Variants in PCSK9 observed in about 807,000 individuals in gnomAD.
PCSK9 encodes convertase subtilisin/kexin type 9 preproprotein.
PCSK9 carries 57 observed loss-of-function variants against 62.1 expected under a neutral mutation model. The observed-to-expected ratio is 0.92, with a 90% CI of 0.74 to 1.14. The LOEUF (loss-of-function observed/expected upper bound fraction) is 1.14, where lower values mean the gene tolerates loss of function less well. Ranked by LOEUF, PCSK9 falls within the 50% of genes most tolerant of loss-of-function variation. The probability of loss-of-function intolerance (pLI) is 0.00; values close to 1 mark genes in which losing one functional copy is unlikely to be tolerated. For synonymous variants in PCSK9, 387 were observed against 409.4 expected, an observed-to-expected ratio of 0.95 and a Z score of 0.66; for missense variants, 870 against 959.8, an observed-to-expected ratio of 0.91 and a Z score of 1.24.
chr1:55,061,288 C>A, intron 10 of PCSK9, 87 bp from the exon 11 acceptor site: 1 of 1,432,762 alleles, frequency 7.0e-7, no homozygotes, highest in Admixed American at 2.2e-5. Flanking sequence ...TGCCTCAGAC[C>A]TTAAAGAGAG....
At chr1:55,052,522 C>A in intron 4 of PCSK9, 111 bp downstream of exon 4, 4 of 1,603,596 alleles carry the variant, frequency 2.5e-6, no homozygotes, top group Non-Finnish European at 3.4e-6. Flanking sequence ...GTTGCACCCC[C>A]CCCAGCTGTC....
chr1:55,044,745 G>A (rs536565868), intron 2 of PCSK9, among the ~76,000 whole-genome samples: 115 of 152,258 alleles, frequency 7.6e-4, no homozygotes, highest in Middle Eastern at 3.4e-3. Context: ...GAGGCCCCAC[G>A]GTCTTGTCCA....
intron 5 of PCSK9, among the ~76,000 whole-genome samples, chr1:55,054,469 C>T (rs1238919428): frequency 3.3e-5 from 5 of 152,200 alleles, no homozygotes; most frequent in African/African-American, 1.2e-4. Context: ...TCCCTCCCTC[C>T]GTGGTGTGAG....
rs554488891 is a variant in PCSK9, at chr1:55,056,139, G to A, written c.946G>A (p.Gly316Ser). ...TGGGGTCGTGCTGGTCACCGCTGCC[G>A]GCAACTTCCGGGACGATGCCTGCCT... ...RAGVVLVTAA[G>S]NFRDDACLYS... is the part of the protein sequence containing the mutation. The change falls in exon 6 of 12, where the codon GGC becomes AGC. Residue 316 changes from glycine (G) to serine (S), a missense_variant. Gly to Ser is a moderately conservative substitution (Grantham distance 56, BLOSUM62 0). Coordinates refer to ENST00000302118, the MANE Select transcript of PCSK9 (RefSeq NM_174936.4). 2 of 1,555,122 alleles carry A rather than the reference G, an allele frequency of 1.3e-6. No homozygotes were observed. Among genetic ancestry groups the A allele is most frequent in the Admixed American group, 1.8e-5 (1 of 56,412 alleles).
Position 55,063,496 on chromosome 1 carries a change from C to T in PCSK9, c.1991C>T (p.Thr664Ile), listed in dbSNP as rs369851423. ...CVVRSRDVST[T>I]GSTSEGAVTA... ...GTCAGGAGCCGGGACGTCAGCACTACAGGCAGCACCAGCGAAGGGGCCGTG... is the reference window on the plus strand; with the variant it reads ...GTCAGGAGCCGGGACGTCAGCACTATAGGCAGCACCAGCGAAGGGGCCGTG... The change falls in exon 12 of 12, where the codon ACA (threonine) becomes ATA (isoleucine). Residue 664 changes from threonine to isoleucine, a missense_variant. Transcript: ENST00000302118. The T allele has an allele frequency of 6.8e-6, 11 of 1,613,878 alleles. No individual in the cohort carries two copies. Among genetic ancestry groups the T allele is most frequent in the South Asian group, 2.2e-5 (2 of 91,072 alleles).
chr1:55,062,690 G>A (rs1278365655), intron 11 of PCSK9, among the ~76,000 whole-genome samples: 1 of 152,238 alleles, frequency 6.6e-6, no homozygotes, highest in Non-Finnish European at 1.5e-5. Context: ...CAGGAAACCA[G>A]AGAGGTGGGA....
At position 55,058,666 on chromosome 1, in the gene PCSK9, C is replaced by CGTGTGTGTGTGTGT. The variant is rs35115360; in HGVS notation, c.1503+58_1503+71dup. On this transcript the variant is annotated intron_variant, in intron 9 of 11. Transcript: ENST00000302118. ...CATGGAGGTGACTGTACCCCTCCTT[C>CGTGTGTGTGTGTGT]GTGTGTGTGTGTGTGTGTGTGTGTG... 7.8e-7 allele frequency: 1 copy of CGTGTGTGTGTGTGT among 1,279,432 alleles called. No individual in the cohort carries two copies. The highest frequency in any genetic ancestry group is 1.1e-6 in the Non-Finnish European group (1 of 934,284). The allele number at this position is 1,279,432 out of a possible 1,614,324, so 79.3% of individuals were successfully genotyped here.
intron 1 of PCSK9, among the ~76,000 whole-genome samples, chr1:55,043,555 G>C (rs1158211303): frequency 6.6e-6 from 1 of 152,252 alleles, no homozygotes; most frequent in African/African-American, 2.4e-5. Context: ...GGCCCGTAGA[G>C]AGCTGGGTGC....
At chr1:55,050,514 G>A (rs1644665218) in intron 3 of PCSK9, among the ~76,000 whole-genome samples, 1 of 152,228 alleles carries the variant, frequency 6.6e-6, no homozygotes. Flanking sequence ...TCATCCCACA[G>A]CCTGGGAGGA....
chr1:55,043,986 CCTT>C lies in PCSK9; in HGVS notation c.356_358del (p.Leu119del). On this transcript the variant is annotated inframe_deletion, in exon 2 of 12. Transcript: ENST00000302118. ...CCAAGATCCTGCATGTCTTCCATGG[CCTT>C]CTTCCTGGCTTCCTGGTGAAGATGA... The C allele has an allele frequency of 6.2e-7, 1 of 1,614,212 alleles. No individual in the cohort carries two copies. The highest frequency in any genetic ancestry group is 8.5e-7 in the Non-Finnish European group (1 of 1,180,044).
chr1:55,058,715 G>GCC (rs1483065392), intron 9 of PCSK9, 68 bp downstream of exon 9: 1 of 970,494 alleles, frequency 1.0e-6, no homozygotes, highest in African/African-American at 2.0e-5. Context: ...GTGTGTGTGT[G>GCC]TGTCAGTGCT....
rs1644786705 is a variant in PCSK9, at chr1:55,064,490, T to C, written c.*906T>C. 1 of 152,272 alleles carries C rather than the reference T, an allele frequency of 6.6e-6. No homozygotes were observed. The highest frequency in any genetic ancestry group is 6.5e-5 in the Admixed American group (1 of 15,284). 9.4% of individuals were successfully genotyped at this position (152,272 alleles called of 1,614,324 possible). On this transcript the variant is annotated 3_prime_UTR_variant, in exon 12 of 12. Coordinates refer to ENST00000302118, the MANE Select transcript of PCSK9 (RefSeq NM_174936.4). ...TTCACCCGGCTGGGCTCCTCATTTT[T>C]ACGGGTAACAGTGAGGCTGGGAAGG...
chr1:55,061,668 GCCAGGTAGAT>G, intron 11 of PCSK9, 112 bp downstream of exon 11: 1 of 1,372,124 alleles, frequency 7.3e-7, no homozygotes, highest in South Asian at 1.3e-5. Flanking sequence ...GTGGCGGTTT[GCCAGGTAGAT>G]GCTGTGGGCA....
chr1:55,055,953 A>G, intron 5 of PCSK9, 40 bp from the exon 6 acceptor site: 2 of 1,543,238 alleles, frequency 1.3e-6, no homozygotes, highest in Non-Finnish European at 1.8e-6. Flanking sequence ...AAAGGGGAGC[A>G]GGTCTCCCCA....
At chr1:55,063,275 G>T (rs1644776281) in intron 11 of PCSK9, 94 bp from the exon 12 acceptor site, 5 of 1,372,794 alleles carry the variant, frequency 3.6e-6, no homozygotes, top group Non-Finnish European at 5.1e-6. Flanking sequence ...CTGCACTTTG[G>T]CCTCACAGAA....
At position 55,058,557 on chromosome 1, in the gene PCSK9, C is replaced by G. The variant is rs1357691724; in HGVS notation, c.1413C>G (p.Ala471=). 2 of 1,612,174 alleles carry G rather than the reference C, an allele frequency of 1.2e-6. No homozygotes were observed. The highest frequency in any genetic ancestry group is 1.7e-6 in the Non-Finnish European group (2 of 1,180,028). The part of the protein sequence containing the change: ...WSAHSGPTRM[A]TAVARCAPDE... ...CACACTCGGGGCCTACACGGATGGCCACAGCCGTCGCCCGCTGCGCCCCAG... is the reference window on the plus strand; with the variant it reads ...CACACTCGGGGCCTACACGGATGGCGACAGCCGTCGCCCGCTGCGCCCCAG... Residue 471 remains alanine, a synonymous_variant, in exon 9 of 12, where the codon GCC becomes GCG. Transcript: ENST00000302118.
intron 5 of PCSK9, among the ~76,000 whole-genome samples, chr1:55,055,370 C>T (rs925739524): frequency 1.3e-5 from 2 of 151,992 alleles, no homozygotes; most frequent in African/African-American, 4.8e-5. Context: ...CTCTGAGGCT[C>T]ATCCTCTTGG....
At chr1:55,062,024 C>T (rs960463472) in intron 11 of PCSK9, among the ~76,000 whole-genome samples, 1 of 152,186 alleles carries the variant, frequency 6.6e-6, no homozygotes, top group Admixed American at 6.5e-5. Flanking sequence ...GGGAGGGTCT[C>T]AGGGTCAGGA....
chr1:55,052,435 G>A lies in PCSK9; in HGVS notation c.657+24G>A, dbSNP rs1325841530. ...AGGTAAGCACGGCCGTCTGATGGGA[G>A]GGCTGCCTCTGCCCATATCCCCATC... On this transcript the variant is annotated intron_variant, in intron 4 of 11. Coordinates refer to ENST00000302118, the MANE Select transcript of PCSK9 (RefSeq NM_174936.4). 4.3e-6 allele frequency: 7 copies of A among 1,613,474 alleles called. No individual in the cohort carries two copies. In the East Asian group the frequency reaches 1.3e-4, roughly 31 times the overall value.
Sources: allele counts gnomAD v4.1 joint callset (sites outside exome capture counted in the v4.1 genomes callset), GRCh38; gene constraint gnomAD v4.1.1; transcripts MANE v1.5; gene names NCBI Gene and HGNC (gene_info 2026-07-23, HGNC 2026-07-21).